Variants in FER1L6 observed in about 807,000 individuals in gnomAD.
FER1L6 encodes the protein fer-1-like protein 6.
In FER1L6, 177 loss-of-function variants were observed where a neutral mutation model predicts 219.2. The ratio of observed to expected loss-of-function variants is 0.81; its 90% CI spans 0.71 to 0.91. The LOEUF (loss-of-function observed/expected upper bound fraction) is 0.91, where lower values mean the gene tolerates loss of function less well. Among genes scored for constraint, FER1L6 ranks in the 40% least tolerant of loss-of-function variants. The pLI is 0.00. For missense variants in FER1L6, 2,153 were observed against 2,259.9 expected, an observed-to-expected ratio of 0.95 and a Z score of 0.96; for synonymous variants, 768 against 824.3, an observed-to-expected ratio of 0.93 and a Z score of 1.17.
chr8:124,103,282 G>T lies in FER1L6; in HGVS notation c.5262G>T (p.Trp1754Cys), dbSNP rs1269292825. 1 of 1,613,974 alleles carries T rather than the reference G, an allele frequency of 6.2e-7. No homozygotes were observed. The change falls in exon 39 of 41, where the codon TGG becomes TGT. Residue 1754 changes from tryptophan to cysteine, a missense_variant. Transcript: ENST00000522917. ...IFQQKRVRGW[W>C]PFSKSKELTG... Reference sequence around the variant, plus strand: ...AGCAAAAACGTGTGCGTGGCTGGTGGCCTTTTTCTAAAAGCAAAGAACTCA... The same window carrying T: ...AGCAAAAACGTGTGCGTGGCTGGTGTCCTTTTTCTAAAAGCAAAGAACTCA...
intron 20 of FER1L6, among the ~76,000 whole-genome samples, chr8:124,041,481 C>T (rs1006222086): frequency 6.6e-6 from 1 of 152,160 alleles, no homozygotes; most frequent in Non-Finnish European, 1.5e-5. Flanking sequence ...CAGTGCCTGT[C>T]GGGTGCTGGC....
intron 33 of FER1L6, among the ~76,000 whole-genome samples, chr8:124,085,517 T>C (rs1458451200): frequency 6.6e-6 from 1 of 152,170 alleles, no homozygotes; most frequent in Admixed American, 6.5e-5. Flanking sequence ...AATTTCCATG[T>C]GTTTGTATAG....
intron 1 of FER1L6, among the ~76,000 whole-genome samples, chr8:123,864,621 T>G (rs1337323565): frequency 6.7e-6 from 1 of 149,618 alleles, no homozygotes; most frequent in African/African-American, 2.5e-5. Flanking sequence ...GGTACACCAA[T>G]CAGATGTAGA....
chr8:124,058,670 A>G (rs1820420182), intron 22 of FER1L6: 1 of 152,204 alleles, frequency 6.6e-6, no homozygotes. Flanking sequence ...TTTAAAAAGC[A>G]CATCTAGAGG....
At chr8:123,899,503 G>T (rs1338157545) in intron 1 of FER1L6, among the ~76,000 whole-genome samples, 2 of 152,058 alleles carry the variant, frequency 1.3e-5, no homozygotes, top group East Asian at 1.9e-4. Flanking sequence ...CCATGCAAAA[G>T]CTCTTTAATT....
At chr8:124,043,726 G>C (rs1388574691) in intron 20 of FER1L6, among the ~76,000 whole-genome samples, 1 of 152,224 alleles carries the variant, frequency 6.6e-6, no homozygotes, top group African/African-American at 2.4e-5. Flanking sequence ...ACATAGTAAA[G>C]AGAAAGCAGT....
chr8:124,000,300 T>A (rs1002614843), intron 12 of FER1L6, among the ~76,000 whole-genome samples: 1 of 152,210 alleles, frequency 6.6e-6, no homozygotes, highest in African/African-American at 2.4e-5. Context: ...TTTCCTACCT[T>A]CTTCAGTGCT....
intron 33 of FER1L6, among the ~76,000 whole-genome samples, chr8:124,086,379 G>T (rs1586315599): frequency 6.7e-6 from 1 of 148,854 alleles, no homozygotes; most frequent in Admixed American, 6.7e-5. Context: ...TTTATTTGAA[G>T]TTACCATGAG....
chr8:124,090,852 TAGGGAGA>T (rs137991858), intron 33 of FER1L6, among the ~76,000 whole-genome samples: 1 of 152,010 alleles, frequency 6.6e-6, no homozygotes, highest in African/African-American at 2.4e-5. Flanking sequence ...GGTGGTGGGG[TAGGGAGA>T]AGGGAGGGAC....
At chr8:124,015,730 T>C (rs565470255) in intron 15 of FER1L6, 2 of 151,874 alleles carry the variant, frequency 1.3e-5, no homozygotes, top group South Asian at 4.2e-4. Flanking sequence ...GCTCAATAAC[T>C]TCTCTATGTT....
chr8:124,084,228 T>C (rs943666970), intron 33 of FER1L6, among the ~76,000 whole-genome samples: 1 of 152,072 alleles, frequency 6.6e-6, no homozygotes, highest in Admixed American at 6.5e-5. Context: ...ACTTCTTTCT[T>C]TCCAATTTGG....
intron 37 of FER1L6, among the ~76,000 whole-genome samples, chr8:124,098,998 T>C (rs1822431182): frequency 6.6e-6 from 1 of 152,236 alleles, no homozygotes; most frequent in East Asian, 1.9e-4. Context: ...AAGCATCTCT[T>C]CTTTTTGAAA....
intron 39 of FER1L6, among the ~76,000 whole-genome samples, chr8:124,104,698 TTC>T (rs1260550013): frequency 1.3e-5 from 2 of 152,212 alleles, no homozygotes; most frequent in Non-Finnish European, 2.9e-5. Context: ...TCATTCTAAT[TTC>T]TGTATATTAA....
In FER1L6 at chr8:123,975,293, G is replaced by A; in HGVS notation, c.670G>A (p.Glu224Lys). ...CAGCCCTAAAACTTCTGACACCGAG[G>A]AGCCAATAGAAAAGTAAGACAGGTC... is the stretch of plus-strand genomic sequence containing the variant. ...KTSPKTSDTE[E>K]PIEKNLLIPN... The change falls in exon 8 of 41, where the codon GAG (glutamate) becomes AAG (lysine). Residue 224 changes from glutamate (E) to lysine (K), a missense_variant. Coordinates refer to ENST00000522917, the MANE Select transcript of FER1L6 (RefSeq NM_001039112.2). 1 of 1,609,198 alleles carries A rather than the reference G, an allele frequency of 6.2e-7. No individual in the cohort carries two copies. The highest frequency in any genetic ancestry group is 8.5e-7 in the Non-Finnish European group (1 of 1,177,338).
At chr8:124,013,385 C>G (rs763118061) in intron 14 of FER1L6, 46 bp from the exon 15 acceptor site, 1 of 1,198,788 alleles carries the variant, frequency 8.3e-7, no homozygotes, top group Non-Finnish European at 1.2e-6. Context: ...TACTACCAAT[C>G]TCATTACCAC....
chr8:123,961,628 A>G (rs1256410820), intron 2 of FER1L6, among the ~76,000 whole-genome samples: 3 of 152,172 alleles, frequency 2.0e-5, no homozygotes, highest in Non-Finnish European at 4.4e-5. Flanking sequence ...GGTTAGCCAG[A>G]TATATGTAAT....
At chr8:123,973,567 C>T in intron 7 of FER1L6, 55 bp downstream of exon 7, 5 of 1,289,264 alleles carry the variant, frequency 3.9e-6, no homozygotes, top group Admixed American at 3.4e-5. Flanking sequence ...TTTATAGCAC[C>T]TGGAGTCATC....
intron 1 of FER1L6, among the ~76,000 whole-genome samples, chr8:123,864,475 C>G (rs567494363): frequency 2.0e-5 from 3 of 150,506 alleles, no homozygotes; most frequent in Non-Finnish European, 4.4e-5. Flanking sequence ...TTGCTCTTCT[C>G]GAGGAGTATC....
At chr8:124,069,056 C>A (rs1218682531) in intron 28 of FER1L6, among the ~76,000 whole-genome samples, 1 of 152,034 alleles carries the variant, frequency 6.6e-6, no homozygotes, top group Admixed American at 6.5e-5. Flanking sequence ...CCTGCCTCAG[C>A]CTCCCGAGTA....
Sources: allele counts gnomAD v4.1 joint callset (sites outside exome capture counted in the v4.1 genomes callset), GRCh38; gene constraint gnomAD v4.1.1; transcripts MANE v1.5; gene names NCBI Gene and HGNC (gene_info 2026-07-23, HGNC 2026-07-21).